ICE2: variants seen among roughly 807,000 people sequenced by gnomAD.
ICE2 encodes the protein interactor of little elongation complex ELL subunit 2.
Under a neutral mutation model 105.4 loss-of-function variants are expected in ICE2, and 87 were observed. That is an observed-to-expected ratio of 0.83 (90% CI 0.69 to 0.99). ICE2 has a LOEUF of 0.99. ICE2 is among the 50% of genes least tolerant of loss of function. ICE2 has a pLI of 0.00. For missense variants in ICE2, 1,323 were observed against 1,146.7 expected (o/e 1.15, Z -2.22); for synonymous variants, 399 against 392.0 (o/e 1.02, Z -0.21).
At chr15:60,434,367 C>T (rs1452858967) in intron 13 of ICE2, among the ~76,000 whole-genome samples, 3 of 152,224 alleles carry the variant, frequency 2.0e-5, no homozygotes, top group Non-Finnish European at 4.4e-5. Context: ...AAAACGTTTG[C>T]TTCCCATGCA....
At chr15:60,471,828 A>T (rs1477812472) in intron 3 of ICE2, among the ~76,000 whole-genome samples, 1 of 151,796 alleles carries the variant, frequency 6.6e-6, no homozygotes, top group Non-Finnish European at 1.5e-5. Context: ...CCAAAACTTT[A>T]AGTTTCCTAT....
chr15:60,437,485 C>A (rs1001132184), intron 12 of ICE2, among the ~76,000 whole-genome samples: 4 of 151,456 alleles, frequency 2.6e-5, no homozygotes, highest in Non-Finnish European at 5.9e-5. Context: ...GTGCCCACCA[C>A]CAGGCCTGGC....
intron 13 of ICE2, among the ~76,000 whole-genome samples, chr15:60,435,377 A>G (rs752234882): frequency 1.5e-4 from 23 of 152,170 alleles, no homozygotes; most frequent in Middle Eastern, 3.2e-3. Flanking sequence ...AGGCAGGAGG[A>G]TCACCCGAGG....
At chr15:60,442,299 A>G in intron 12 of ICE2, 117 bp downstream of exon 12, 1 of 934,198 alleles carries the variant, frequency 1.1e-6, no homozygotes, top group Non-Finnish European at 1.6e-6. Context: ...AAACTAATAA[A>G]TACATAAATA....
intron 5 of ICE2, among the ~76,000 whole-genome samples, chr15:60,457,633 T>G (rs2064163643): frequency 6.6e-6 from 1 of 152,148 alleles, no homozygotes; most frequent in Non-Finnish European, 1.5e-5. Flanking sequence ...AATCAGTAAC[T>G]TTACTCCAGT....
chr15:60,457,836 G>A (rs17270160), intron 5 of ICE2, among the ~76,000 whole-genome samples: 14,548 of 152,142 alleles, frequency 0.096, 906 homozygotes, highest in Middle Eastern at 0.21. Flanking sequence ...CTGCAAACTC[G>A]TATCTGCAAA....
chr15:60,477,974 T>C lies in ICE2; in HGVS notation c.4A>G (p.Ser2Gly). ...GGTTCACTTATGACCATCTTGGAGCTCATCTTCCTAGATTTCTGCTTCACT... is the reference window on the plus strand; with the variant it reads ...GGTTCACTTATGACCATCTTGGAGCCCATCTTCCTAGATTTCTGCTTCACT... MSSKMVISEPGL... is the reference protein window; with the variant it reads MGSKMVISEPGL... Residue 2 changes from serine to glycine, a missense_variant, in exon 2 of 16, where the codon AGC (serine) becomes GGC (glycine). Transcript: ENST00000261520. 6.2e-7 allele frequency: 1 copy of C among 1,613,976 alleles called. No homozygotes were observed. The highest frequency in any genetic ancestry group is 2.2e-5 in the East Asian group (1 of 44,890).
At chr15:60,459,533 C>A (rs1043369234) in intron 5 of ICE2, among the ~76,000 whole-genome samples, 7 of 152,022 alleles carry the variant, frequency 4.6e-5, no homozygotes, top group African/African-American at 1.7e-4. Context: ...CATAGGTTTT[C>A]AGGAAGAATG....
intron 10 of ICE2, 72 bp from the exon 11 acceptor site, chr15:60,448,217 C>T: frequency 1.1e-6 from 1 of 947,892 alleles, no homozygotes; most frequent in East Asian, 2.7e-5. Flanking sequence ...TACAACAATT[C>T]AATTAACTAT....
chr15:60,441,214 A>G (rs1363016899), intron 12 of ICE2: 3 of 152,306 alleles, frequency 2.0e-5, no homozygotes, highest in Non-Finnish European at 4.4e-5. Flanking sequence ...AAATTACTAC[A>G]AAAACTTCGA....
At chr15:60,451,163 C>G (rs1182668279) in intron 9 of ICE2, 5 of 740,552 alleles carry the variant, frequency 6.8e-6, no homozygotes, top group Non-Finnish European at 1.6e-6. Context: ...CACAATTATA[C>G]TAAGTCAATG....
intron 15 of ICE2, among the ~76,000 whole-genome samples, chr15:60,426,791 CAT>C (rs2063348151): frequency 6.6e-6 from 1 of 152,136 alleles, no homozygotes; most frequent in Non-Finnish European, 1.5e-5. Context: ...CACAGAATTA[CAT>C]GTTATAGGTG....
intron 5 of ICE2, among the ~76,000 whole-genome samples, chr15:60,459,042 C>A (rs1422431320): frequency 6.6e-6 from 1 of 152,108 alleles, no homozygotes; most frequent in African/African-American, 2.4e-5. Context: ...GTGGTGATAC[C>A]TGCATAACAA....
intron 11 of ICE2, among the ~76,000 whole-genome samples, chr15:60,443,679 A>C (rs2063765949): frequency 6.6e-6 from 1 of 152,200 alleles, no homozygotes; most frequent in South Asian, 2.1e-4. Flanking sequence ...TCAATTAAAA[A>C]CAAAATTAAA....
chr15:60,426,420 G>C (rs116381607), intron 15 of ICE2, among the ~76,000 whole-genome samples: 2,877 of 152,228 alleles, frequency 0.019, 105 homozygotes, highest in African/African-American at 0.066. Context: ...GTGTGTAGTA[G>C]ACTACACCCT....
intron 6 of ICE2, among the ~76,000 whole-genome samples, chr15:60,456,066 G>C (rs1197088219): frequency 1.3e-5 from 2 of 151,746 alleles, no homozygotes; most frequent in Non-Finnish European, 2.9e-5. Flanking sequence ...TAAAAAAAGG[G>C]GCTTTCTGCT....
chr15:60,466,594 C>T lies in ICE2; in HGVS notation c.528G>A (p.Glu176=), dbSNP rs1460810351. ...ACACAAATGTGAGTTGTTTTTTTAC[C>T]TCTGTGAAGAGACGGGCATCATCAG... The part of the protein sequence containing the change: ...MLSDDARLFT[E]KILRACIEQV... Residue 176 remains glutamate, a splice_region_variant and synonymous_variant, in exon 5 of 16, where the codon GAG becomes GAA. Transcript: ENST00000261520. 6.2e-7 allele frequency: 1 copy of T among 1,608,452 alleles called. No homozygotes were observed. Among genetic ancestry groups the T allele is most frequent in the Admixed American group, 1.7e-5 (1 of 59,104 alleles).
At chr15:60,448,765 G>A (rs1001428891) in intron 10 of ICE2, 83 bp downstream of exon 10, 3 of 1,187,688 alleles carry the variant, frequency 2.5e-6, no homozygotes, top group Non-Finnish European at 3.5e-6. Context: ...AACAGGTTAT[G>A]ACAAAGTAAA....
chr15:60,433,161 C>T lies in ICE2; in HGVS notation c.2511-1177G>A, dbSNP rs551691111. Among the ~76,000 whole-genome samples the T allele has an allele frequency of 1.3e-4, 19 of 151,588 alleles. No homozygotes were observed. The South Asian group carries it at 4.0e-3, about 32-fold the overall frequency. On this transcript the variant is annotated intron_variant, in intron 13 of 15. Coordinates refer to ENST00000261520, the MANE Select transcript of ICE2 (RefSeq NM_024611.6). ...GCGCCAGGCTGGAGCGATCTTGGCT[C>T]ACTGCAAGCTCTGCCTCCCGGGTTC...
Sources: gnomAD v4.1 joint callset for allele counts (sites outside exome capture counted in the v4.1 genomes callset) on GRCh38, gnomAD v4.1.1 for gene constraint, MANE v1.5 for transcripts, NCBI Gene and HGNC (gene_info 2026-07-23, HGNC 2026-07-21) for gene names.